EPB41L5: variants seen among roughly 807,000 people sequenced by gnomAD.
EPB41L5 encodes the protein band 4.1-like protein 5.
EPB41L5 carries 55 observed loss-of-function variants against 106.6 expected under a neutral mutation model. The observed-to-expected ratio is 0.52, with a 90% CI of 0.42 to 0.65. The LOEUF (loss-of-function observed/expected upper bound fraction) is 0.65, where lower values mean the gene tolerates loss of function less well. EPB41L5 is among the 30% of genes least tolerant of loss of function. The pLI is 0.00. For synonymous variants in EPB41L5, 297 were observed against 306.7 expected, an observed-to-expected ratio of 0.97 and a Z score of 0.33; for missense variants, 871 against 882.1, an observed-to-expected ratio of 0.99 and a Z score of 0.16.
intron 2 of EPB41L5, among the ~76,000 whole-genome samples, chr2:120,028,089 C>A (rs1678458085): frequency 1.3e-5 from 2 of 152,120 alleles, no homozygotes; most frequent in Non-Finnish European, 2.9e-5. Context: ...GTCTTGAACT[C>A]CTGCCCTCAG....
At chr2:120,143,885 T>C (rs1407249361) in intron 19 of EPB41L5, among the ~76,000 whole-genome samples, 1 of 152,180 alleles carries the variant, frequency 6.6e-6, no homozygotes, top group African/African-American at 2.4e-5. Context: ...TACCACCTAC[T>C]AGCTTTGTGA....
chr2:120,131,364 T>C (rs1454921849), intron 17 of EPB41L5, among the ~76,000 whole-genome samples: 1 of 152,190 alleles, frequency 6.6e-6, no homozygotes, highest in Non-Finnish European at 1.5e-5. Flanking sequence ...GCTAGGGAGA[T>C]TTCACATCTA....
chr2:120,097,602 CT>C (rs1683842637), intron 14 of EPB41L5, among the ~76,000 whole-genome samples: 1 of 152,034 alleles, frequency 6.6e-6, no homozygotes, highest in African/African-American at 2.4e-5. Context: ...ATTTCAATTA[CT>C]AGTACTTCTT....
intron 18 of EPB41L5, among the ~76,000 whole-genome samples, chr2:120,138,575 C>T (rs565918364): frequency 2.0e-4 from 30 of 151,880 alleles, no homozygotes; most frequent in African/African-American, 7.2e-4. Context: ...GAAAGTAATC[C>T]CATTTACAAT....
At chr2:120,153,863 C>T (rs189338931) in intron 20 of EPB41L5, among the ~76,000 whole-genome samples, 21 of 152,272 alleles carry the variant, frequency 1.4e-4, no homozygotes, top group African/African-American at 4.8e-4. Flanking sequence ...TCTGTCTTTT[C>T]AGTTTCAATC....
Position 120,081,608 on chromosome 2 carries a change from G to C in EPB41L5, c.803+3027G>C, listed in dbSNP as rs180942883. ...GCTATATGGGCTCTTTTTTGGTTCCGTATGAACTTTAAAGTAGTTTTTTCC... is the reference window on the plus strand; with the variant it reads ...GCTATATGGGCTCTTTTTTGGTTCCCTATGAACTTTAAAGTAGTTTTTTCC... On this transcript the variant is annotated intron_variant, in intron 10 of 24. Coordinates refer to ENST00000263713, the MANE Select transcript of EPB41L5 (RefSeq NM_020909.4). 0.012 allele frequency among the ~76,000 whole-genome samples: 1,879 copies of C among 151,812 alleles called. 82 individuals carry two copies. In the East Asian group the frequency reaches 0.15, roughly 12 times the overall value.
chr2:120,029,397 T>A (rs1291162444), intron 2 of EPB41L5, among the ~76,000 whole-genome samples: 1 of 152,184 alleles, frequency 6.6e-6, no homozygotes, highest in Non-Finnish European at 1.5e-5. Flanking sequence ...GTATTTCGTA[T>A]ATTGGTCAGG....
intron 15 of EPB41L5, 56 bp from the exon 16 acceptor site, chr2:120,100,643 G>A: frequency 8.1e-7 from 1 of 1,227,758 alleles, no homozygotes; most frequent in African/African-American, 1.5e-5. Context: ...GTATTTGTTG[G>A]TGAAGAGATC....
chr2:120,165,581 C>T (rs906594016), intron 22 of EPB41L5, among the ~76,000 whole-genome samples: 3 of 152,118 alleles, frequency 2.0e-5, no homozygotes, highest in Non-Finnish European at 4.4e-5. Context: ...CAAATATTTT[C>T]GATTTACAGT....
At chr2:120,077,631 A>G (rs552758268) in intron 9 of EPB41L5, among the ~76,000 whole-genome samples, 2 of 152,136 alleles carry the variant, frequency 1.3e-5, no homozygotes, top group Non-Finnish European at 1.5e-5. Context: ...TATCCTTTTT[A>G]CTTCCTGTTA....
intron 23 of EPB41L5, 53 bp from the exon 24 acceptor site, chr2:120,167,824 T>C: frequency 6.2e-7 from 1 of 1,607,388 alleles, no homozygotes; most frequent in Non-Finnish European, 8.5e-7. Flanking sequence ...GCTGAAGTGC[T>C]GACCAGGCAG....
At chr2:120,089,204 A>G (rs538230615) in intron 11 of EPB41L5, among the ~76,000 whole-genome samples, 2 of 152,232 alleles carry the variant, frequency 1.3e-5, no homozygotes, top group East Asian at 3.9e-4. Context: ...TATAAAATAG[A>G]TAACCATCTT....
chr2:120,108,670 AC>A (rs1684585500), intron 16 of EPB41L5, among the ~76,000 whole-genome samples: 1 of 152,196 alleles, frequency 6.6e-6, no homozygotes, highest in African/African-American at 2.4e-5. Flanking sequence ...TGGAATTTAT[AC>A]CCATTAACAG....
intron 11 of EPB41L5, among the ~76,000 whole-genome samples, chr2:120,089,100 G>T (rs1412138044): frequency 6.6e-6 from 1 of 152,012 alleles, no homozygotes; most frequent in African/African-American, 2.4e-5. Context: ...TTTGATACAT[G>T]TATACAATGT....
chr2:120,136,116 G>A lies in EPB41L5; in HGVS notation c.1599+4401G>A, dbSNP rs1224260792. ...GTGGGGGTGGCGGTTTGAAGTTGAA[G>A]TATAGAGTTTTTATTAGTTTTCTCT... On this transcript the variant is annotated intron_variant, in intron 18 of 24. Transcript: ENST00000263713. 2.0e-5 allele frequency among the ~76,000 whole-genome samples: 3 copies of A among 150,448 alleles called. No homozygotes were observed. The East Asian group carries it at 5.8e-4, about 29-fold the overall frequency.
At chr2:120,143,254 T>G in intron 19 of EPB41L5, 123 bp downstream of exon 19, 2 of 1,159,724 alleles carry the variant, frequency 1.7e-6, no homozygotes, top group Non-Finnish European at 2.4e-6. Context: ...AGTTAAAAAA[T>G]AAGAGTAAAG....
chr2:120,178,401 G>T lies in EPB41L5; in HGVS notation c.*3494G>T, dbSNP rs1018621697. ...TTTGTGAGCTCCCACTGTTGTGGGT[G>T]TCTCAGCTCTGAGGGTCTTTGTGAG... is the stretch of plus-strand genomic sequence containing the variant. On this transcript the variant is annotated 3_prime_UTR_variant, in exon 25 of 25. Coordinates refer to ENST00000263713, the MANE Select transcript of EPB41L5 (RefSeq NM_020909.4). 1 of 151,866 alleles carries T rather than the reference G, an allele frequency of 6.6e-6. No homozygotes were observed. Among genetic ancestry groups the T allele is most frequent in the African/African-American group, 2.4e-5 (1 of 41,198 alleles). The allele number at this position is 151,866 out of a possible 1,614,324, so 9.4% of individuals were successfully genotyped here.
At chr2:120,091,686 G>A in intron 13 of EPB41L5, 25 bp downstream of exon 13, 1 of 1,562,954 alleles carries the variant, frequency 6.4e-7, no homozygotes, top group Non-Finnish European at 8.8e-7. Flanking sequence ...TCTTTCAAAG[G>A]ATTATTTTTC....
chr2:120,099,355 TGTATTATAGGTTGAGG>T (rs1683990957), intron 14 of EPB41L5, among the ~76,000 whole-genome samples: 1 of 151,266 alleles, frequency 6.6e-6, no homozygotes. Flanking sequence ...TTTTTTTTTT[TGTATTATAGGTTGAGG>T]GTTTTTTCAA....
Sources: allele counts gnomAD v4.1 joint callset (sites outside exome capture counted in the v4.1 genomes callset), GRCh38; gene constraint gnomAD v4.1.1; transcripts MANE v1.5; gene names NCBI Gene and HGNC (gene_info 2026-07-23, HGNC 2026-07-21).